Variants in SLC23A2 observed in about 807,000 individuals in gnomAD.
The protein encoded by SLC23A2 is solute carrier family 23 member 2.
In SLC23A2, 36 loss-of-function variants were observed where a neutral mutation model predicts 73.3. That is an observed-to-expected ratio of 0.49 (90% CI 0.38 to 0.65). The LOEUF (loss-of-function observed/expected upper bound fraction) is 0.65. Ranked by LOEUF, SLC23A2 falls within the 30% of genes least tolerant of loss-of-function variation. The probability of loss-of-function intolerance (pLI) is 0.00; values close to 1 mark genes in which losing one functional copy is unlikely to be tolerated. For missense variants in SLC23A2, 507 were observed against 841.6 expected, an observed-to-expected ratio of 0.60 and a Z score of 4.92; for synonymous variants, 343 against 327.3, an observed-to-expected ratio of 1.05 and a Z score of -0.52.
At chr20:4,896,910 C>A (rs1931549326) in intron 6 of SLC23A2, among the ~76,000 whole-genome samples, 1 of 152,218 alleles carries the variant, frequency 6.6e-6, no homozygotes, top group Admixed American at 6.5e-5. Flanking sequence ...GACTTCCTGC[C>A]TTTGCTCCTG....
upstream of SLC23A2, among the ~76,000 whole-genome samples, chr20:5,004,588 G>C (rs1274479657): frequency 6.6e-6 from 1 of 152,172 alleles, no homozygotes. Flanking sequence ...GTTCACACCT[G>C]TAATCCCAGC....
At chr20:4,977,267 G>A (rs1282327896) in intron 1 of SLC23A2, among the ~76,000 whole-genome samples, 1 of 152,128 alleles carries the variant, frequency 6.6e-6, no homozygotes, top group African/African-American at 2.4e-5. Context: ...AGGCATTCTA[G>A]GACACTTACT....
At chr20:5,009,193 A>G (rs1459675230) in intron 1 of SLC23A2, among the ~76,000 whole-genome samples, 1 of 152,020 alleles carries the variant, frequency 6.6e-6, no homozygotes, top group Non-Finnish European at 1.5e-5. Context: ...TGGTTCTTCT[A>G]CTTCTCTGAC....
At chr20:4,893,601 CG>C (rs1290079189) in intron 6 of SLC23A2, among the ~76,000 whole-genome samples, 4 of 152,164 alleles carry the variant, frequency 2.6e-5, no homozygotes, top group Non-Finnish European at 5.9e-5. Flanking sequence ...GGTTCCATTA[CG>C]GGCCCCAGGA....
upstream of SLC23A2, among the ~76,000 whole-genome samples, chr20:5,004,394 C>T (rs1383068590): frequency 6.6e-6 from 1 of 152,236 alleles, no homozygotes; most frequent in African/African-American, 2.4e-5. Flanking sequence ...TACTGACCCT[C>T]ACTGGCTCTT....
At chr20:4,891,802 T>G (rs552365471) in intron 6 of SLC23A2, among the ~76,000 whole-genome samples, 1 of 152,184 alleles carries the variant, frequency 6.6e-6, no homozygotes, top group South Asian at 2.1e-4. Flanking sequence ...CAGGCTGGAG[T>G]GTAGTGGCGC....
chr20:4,970,083 C>G (rs2087538187), intron 2 of SLC23A2, among the ~76,000 whole-genome samples: 1 of 152,078 alleles, frequency 6.6e-6, no homozygotes, highest in South Asian at 2.1e-4. Flanking sequence ...ATTCTTAAAT[C>G]TCTTTCCACT....
intron 6 of SLC23A2, among the ~76,000 whole-genome samples, chr20:4,888,745 A>G (rs561462278): frequency 6.6e-5 from 10 of 152,350 alleles, no homozygotes; most frequent in Non-Finnish European, 1.3e-4. Flanking sequence ...TCCAGCAAAT[A>G]TTCCAGGATC....
intron 1 of SLC23A2, among the ~76,000 whole-genome samples, chr20:4,974,018 A>G (rs889496367): frequency 6.6e-6 from 1 of 152,202 alleles, no homozygotes; most frequent in Non-Finnish European, 1.5e-5. Flanking sequence ...CCACTGACTC[A>G]ACATCATTTC....
chr20:4,983,726 G>A (rs1336689956), intron 1 of SLC23A2, among the ~76,000 whole-genome samples: 1 of 151,510 alleles, frequency 6.6e-6, no homozygotes, highest in Non-Finnish European at 1.5e-5. Flanking sequence ...GGAGGCCAAG[G>A]TGGGCAGATC....
chr20:4,902,551 A>G lies in SLC23A2; in HGVS notation c.215T>C (p.Leu72Pro). ...TENGIAEKSS[L>P]AETLDSTGSL... ...GCCAGTGCTATCCAGGGTCTCAGCG[A>G]GAGAGCTCTGCGAGCCAGAAGGAGA... The change falls in exon 5 of 17, where the codon CTC (leucine) becomes CCC (proline). Residue 72 changes from leucine (L) to proline (P), a missense_variant. Around this residue, in one of 5 missense-constraint regions of SLC23A2, gnomAD observed 78 missense variants for 86.7 expected, o/e 0.90. Coordinates refer to ENST00000338244, the MANE Select transcript of SLC23A2 (RefSeq NM_005116.6). This position sits in a 1 kb window ranked among gnomAD's most constrained non-coding sequence, Gnocchi z 4.0. The G allele has an allele frequency of 6.3e-7, 1 of 1,598,472 alleles. No homozygotes were observed. The highest frequency in any genetic ancestry group is 8.6e-7 in the Non-Finnish European group (1 of 1,168,666).
intron 2 of SLC23A2, among the ~76,000 whole-genome samples, chr20:4,936,213 A>G (rs553457996): frequency 6.6e-6 from 1 of 152,220 alleles, no homozygotes; most frequent in Non-Finnish European, 1.5e-5. Context: ...GAAAATAAAC[A>G]TACCTAAAAA....
Position 4,912,911 on chromosome 20 carries a change from A to C in SLC23A2, c.176T>G (p.Ile59Ser). The C allele has an allele frequency of 6.2e-7, 1 of 1,613,288 alleles. No homozygotes were observed. Among genetic ancestry groups the C allele is most frequent in the Non-Finnish European group, 8.5e-7 (1 of 1,179,448 alleles). Residue 59 changes from isoleucine (I) to serine (S), a missense_variant, in exon 4 of 17, where the codon ATC becomes AGC. By Grantham distance (142) the Ile-to-Ser change is moderately radical (BLOSUM62 -2). Coordinates refer to ENST00000338244, the MANE Select transcript of SLC23A2 (RefSeq NM_005116.6). ...TGCAATGCCGTTTTCCGTAGTGTAG[A>C]TCGCCATGAGCTCAGTGTCCTCATT... is the stretch of plus-strand genomic sequence containing the variant. ...QDNEDTELMA[I>S]YTTENGIAEK... is the part of the protein sequence containing the mutation.
upstream of SLC23A2, among the ~76,000 whole-genome samples, chr20:5,004,721 C>T (rs150403006): frequency 8.2e-3 from 1,241 of 152,156 alleles, 23 homozygotes; most frequent in African/African-American, 0.028. Flanking sequence ...AAGTTTAGGC[C>T]GGGTGCGGTG....
At chr20:4,879,922 T>C (rs1211316390) in intron 9 of SLC23A2, among the ~76,000 whole-genome samples, 1 of 152,208 alleles carries the variant, frequency 6.6e-6, no homozygotes, top group Non-Finnish European at 1.5e-5. Flanking sequence ...ACTAAGGCCC[T>C]TTTCTGAAGG....
intron 9 of SLC23A2, among the ~76,000 whole-genome samples, chr20:4,880,881 T>C (rs1930856057): frequency 6.6e-6 from 1 of 151,926 alleles, no homozygotes; most frequent in Non-Finnish European, 1.5e-5. Flanking sequence ...GTCTAACTGA[T>C]GTTTCAAAAG....
chr20:4,942,063 A>G (rs747425825), intron 2 of SLC23A2, among the ~76,000 whole-genome samples: 1 of 152,182 alleles, frequency 6.6e-6, no homozygotes, highest in African/African-American at 2.4e-5. Flanking sequence ...CATGGTGTCC[A>G]CATTAGCACC....
At chr20:4,926,789 A>G (rs921086482) in intron 3 of SLC23A2, among the ~76,000 whole-genome samples, 1 of 152,000 alleles carries the variant, frequency 6.6e-6, no homozygotes, top group Non-Finnish European at 1.5e-5. Flanking sequence ...TCTTTGTAAA[A>G]TGTTTGTGTG....
chr20:4,910,696 A>G (rs1932111028), intron 4 of SLC23A2, among the ~76,000 whole-genome samples: 1 of 152,190 alleles, frequency 6.6e-6, no homozygotes, highest in Non-Finnish European at 1.5e-5. Context: ...TCGGCCTCCC[A>G]AAGTGCTGTG....
Sources: allele counts gnomAD v4.1 joint callset (sites outside exome capture counted in the v4.1 genomes callset), GRCh38; gene constraint gnomAD v4.1.1; regional missense constraint gnomAD v4.1.1; non-coding constraint Gnocchi (gnomAD v3.1); transcripts MANE v1.5; gene names NCBI Gene and HGNC (gene_info 2026-07-23, HGNC 2026-07-21).